Variants in SCHIP1 observed in about 807,000 individuals in gnomAD.
The protein encoded by SCHIP1 is schwannomin interacting protein 1, also known as schwannomin-interacting protein 1.
A neutral mutation model predicts 29.7 loss-of-function variants in SCHIP1; 8 were observed. The observed-to-expected ratio is 0.27, with a 90% CI of 0.16 to 0.49. The LOEUF is 0.49. Ranked by LOEUF, SCHIP1 falls within the 20% of genes least tolerant of loss-of-function variation. The pLI is 0.99. For synonymous variants in SCHIP1, 76 were observed against 94.9 expected (o/e 0.80, Z 1.16); for missense variants, 193 against 294.6 (o/e 0.66, Z 2.52).
chr3:159,695,665 T>C, the SCHIP1 span, among the ~76,000 whole-genome samples: 1 of 152,148 alleles, frequency 6.6e-6, no homozygotes, highest in African/African-American at 2.4e-5. Context: ...TACATACTGG[T>C]TAAAAAAACT....
chr3:159,429,823 A>T, the SCHIP1 span, among the ~76,000 whole-genome samples: 1,185 of 152,336 alleles, frequency 7.8e-3, 6 homozygotes, highest in Non-Finnish European at 0.013. Context: ...TTGCACAGAT[A>T]AAGCCTCTGA....
chr3:159,637,167 A>T, the SCHIP1 span, among the ~76,000 whole-genome samples: 1 of 152,166 alleles, frequency 6.6e-6, no homozygotes, highest in Non-Finnish European at 1.5e-5. Context: ...TTGTTCTTTA[A>T]TAAGATTCTG....
At chr3:159,352,575 G>C in the SCHIP1 span, among the ~76,000 whole-genome samples, 2 of 151,836 alleles carry the variant, frequency 1.3e-5, no homozygotes, top group African/African-American at 2.4e-5. Context: ...GTGTGTGTGC[G>C]TGATGGAATT....
chr3:159,830,563 CTTAT>C, the SCHIP1 span, among the ~76,000 whole-genome samples: 1 of 152,120 alleles, frequency 6.6e-6, no homozygotes, highest in East Asian at 1.9e-4. Flanking sequence ...AGGTAAATTT[CTTAT>C]TTATAATTAT....
chr3:159,637,541 G>A, the SCHIP1 span, among the ~76,000 whole-genome samples: 2 of 152,100 alleles, frequency 1.3e-5, no homozygotes, highest in African/African-American at 4.8e-5. Flanking sequence ...CAGGCAGGAA[G>A]GACATGCCAG....
chr3:159,425,570 T>TAA, the SCHIP1 span, among the ~76,000 whole-genome samples: 1 of 152,146 alleles, frequency 6.6e-6, no homozygotes, highest in African/African-American at 2.4e-5. Flanking sequence ...CAAAGAGACT[T>TAA]AGACTCCCAC....
chr3:159,324,559 C>G, the SCHIP1 span, among the ~76,000 whole-genome samples: 7 of 151,988 alleles, frequency 4.6e-5, no homozygotes, highest in African/African-American at 1.7e-4. Context: ...TTAAGTGCTC[C>G]CAGGCCAGGG....
the SCHIP1 span, among the ~76,000 whole-genome samples, chr3:159,652,325 G>GT: frequency 1.3e-5 from 2 of 152,098 alleles, no homozygotes; most frequent in African/African-American, 2.4e-5. Flanking sequence ...GTGATTGGTG[G>GT]TTTTTTAACA....
the SCHIP1 span, among the ~76,000 whole-genome samples, chr3:159,740,778 A>AAAAAC: frequency 6.7e-6 from 1 of 150,356 alleles, no homozygotes; most frequent in East Asian, 1.9e-4. Context: ...AAAGAAAAAA[A>AAAAAC]AAAAAAAAAA....
At chr3:159,775,792 C>T in the SCHIP1 span, among the ~76,000 whole-genome samples, 2 of 152,164 alleles carry the variant, frequency 1.3e-5, no homozygotes, top group Non-Finnish European at 2.9e-5. Flanking sequence ...GATTCTGCTT[C>T]CTTCTTGGTT....
the SCHIP1 span, among the ~76,000 whole-genome samples, chr3:159,399,804 G>C: frequency 1.3e-5 from 2 of 152,108 alleles, no homozygotes; most frequent in Admixed American, 6.5e-5. Context: ...AGCCTCCTGG[G>C]TAGCTAGGAT....
the SCHIP1 span, among the ~76,000 whole-genome samples, chr3:159,577,294 G>A: frequency 6.6e-6 from 1 of 152,090 alleles, no homozygotes. Context: ...AGGAAGTGTG[G>A]GTCTCATGGA....
chr3:159,410,557 G>T, the SCHIP1 span, among the ~76,000 whole-genome samples: 1 of 152,100 alleles, frequency 6.6e-6, no homozygotes, highest in Non-Finnish European at 1.5e-5. Context: ...TCAGAGAAAT[G>T]CAAATCAAAA....
the SCHIP1 span, among the ~76,000 whole-genome samples, chr3:159,770,538 T>A: frequency 6.6e-6 from 1 of 152,156 alleles, no homozygotes; most frequent in African/African-American, 2.4e-5. Context: ...GGATTACAGG[T>A]GTGAGCCACT....
the SCHIP1 span, among the ~76,000 whole-genome samples, chr3:159,646,070 A>AAG: frequency 6.6e-6 from 1 of 152,146 alleles, no homozygotes. Flanking sequence ...TGGGCAAAGC[A>AAG]AGACAAGGAA....
the SCHIP1 span, among the ~76,000 whole-genome samples, chr3:159,528,494 C>A: frequency 6.6e-6 from 1 of 152,176 alleles, no homozygotes; most frequent in African/African-American, 2.4e-5. Flanking sequence ...ACTCTACTTG[C>A]ACTCCATTCT....
chr3:159,837,834 ATTGTTTC>A (rs1743818786), upstream of SCHIP1, among the ~76,000 whole-genome samples: 1 of 151,978 alleles, frequency 6.6e-6, no homozygotes, highest in Non-Finnish European at 1.5e-5. Flanking sequence ...TGTATTGTTT[ATTGTTTC>A]TTATCCCTGA....
chr3:159,570,991 T>C, the SCHIP1 span, among the ~76,000 whole-genome samples: 1 of 152,218 alleles, frequency 6.6e-6, no homozygotes, highest in Admixed American at 6.5e-5. Flanking sequence ...ACATTGATTT[T>C]GTATCCTGAG....
chr3:159,545,054 T>C, the SCHIP1 span, among the ~76,000 whole-genome samples: 40 of 152,092 alleles, frequency 2.6e-4, no homozygotes, highest in Non-Finnish European at 5.9e-5. Context: ...TGTTTCCCAA[T>C]TGAATATGGA....
Sources: allele counts gnomAD v4.1 joint callset (sites outside exome capture counted in the v4.1 genomes callset), GRCh38; gene constraint gnomAD v4.1.1; transcripts MANE v1.5; gene names NCBI Gene and HGNC (gene_info 2026-07-23, HGNC 2026-07-21).